UTRN: variants seen among roughly 807,000 people sequenced by gnomAD.
UTRN encodes dystrophin-related protein 1.
A neutral mutation model predicts 463.9 loss-of-function variants in UTRN; 283 were observed. The observed-to-expected ratio is 0.61, with a 90% CI of 0.55 to 0.67. The LOEUF (loss-of-function observed/expected upper bound fraction) is 0.67, where lower values mean the gene tolerates loss of function less well. UTRN is among the 30% of genes least tolerant of loss of function. The pLI is 0.00. For synonymous variants in UTRN, 1,442 were observed against 1,431.5 expected (o/e 1.01, Z -0.17); for missense variants, 3,922 against 4,084.3 (o/e 0.96, Z 1.08).
intron 57 of UTRN, among the ~76,000 whole-genome samples, chr6:144,756,642 G>A (rs1792025241): frequency 6.6e-6 from 1 of 152,120 alleles, no homozygotes; most frequent in Non-Finnish European, 1.5e-5. Context: ...TTAGCCTGGT[G>A]CCAACACTGA....
chr6:144,379,523 A>C (rs1164414786), intron 2 of UTRN, among the ~76,000 whole-genome samples: 1 of 152,206 alleles, frequency 6.6e-6, no homozygotes, highest in Non-Finnish European at 1.5e-5. Flanking sequence ...GAGTGTCTTC[A>C]TGACATGGCT....
intron 51 of UTRN, among the ~76,000 whole-genome samples, chr6:144,670,048 G>A (rs1322005581): frequency 6.6e-6 from 1 of 150,598 alleles, no homozygotes; most frequent in Non-Finnish European, 1.5e-5. Flanking sequence ...ATTTGTACTG[G>A]TTCCATATTT....
chr6:144,498,992 GCTATAC>G (rs1218862348), intron 33 of UTRN, among the ~76,000 whole-genome samples: 1 of 152,030 alleles, frequency 6.6e-6, no homozygotes, highest in Non-Finnish European at 1.5e-5. Flanking sequence ...TCTTTTGAGG[GCTATAC>G]CTCTGCCAGT....
At chr6:144,572,972 C>T (rs1026586045) in intron 50 of UTRN, among the ~76,000 whole-genome samples, 4 of 152,198 alleles carry the variant, frequency 2.6e-5, no homozygotes, top group Non-Finnish European at 5.9e-5. Flanking sequence ...GGAATCACCA[C>T]ACTGTCTTCA....
chr6:144,388,453 C>T (rs1406734154), intron 2 of UTRN, among the ~76,000 whole-genome samples: 1 of 150,434 alleles, frequency 6.6e-6, no homozygotes, highest in African/African-American at 2.5e-5. Flanking sequence ...GCTGGGACTA[C>T]AGGTGTGGAC....
intron 9 of UTRN, among the ~76,000 whole-genome samples, chr6:144,434,359 A>G (rs1490509081): frequency 6.8e-6 from 1 of 148,008 alleles, no homozygotes; most frequent in Non-Finnish European, 1.5e-5. Context: ...AGGGGGAGGG[A>G]GAGGGAGCGA....
intron 2 of UTRN, among the ~76,000 whole-genome samples, chr6:144,385,722 CT>C (rs1351096768): frequency 1.8e-5 from 2 of 112,470 alleles, no homozygotes; most frequent in African/African-American, 3.6e-5. Flanking sequence ...TTTTTTTTTT[CT>C]TTTGAGACGG....
chr6:144,808,792 T>C (rs1778366551), intron 65 of UTRN, among the ~76,000 whole-genome samples: 1 of 152,098 alleles, frequency 6.6e-6, no homozygotes, highest in South Asian at 2.1e-4. Flanking sequence ...TGTATCTGGG[T>C]TATTTCACTT....
At chr6:144,641,686 C>A (rs1273886367) in intron 51 of UTRN, among the ~76,000 whole-genome samples, 1 of 152,116 alleles carries the variant, frequency 6.6e-6, no homozygotes, top group Admixed American at 6.5e-5. Context: ...ATTATAGATT[C>A]TGGATGCCAT....
chr6:144,497,780 G>T (rs190480611), intron 33 of UTRN, among the ~76,000 whole-genome samples: 255 of 152,226 alleles, frequency 1.7e-3, no homozygotes, highest in Middle Eastern at 0.01. Context: ...GAAATGTCGG[G>T]TACTCACATG....
chr6:144,316,615 G>T (rs183019243), intron 2 of UTRN, among the ~76,000 whole-genome samples: 12 of 152,356 alleles, frequency 7.9e-5, no homozygotes, highest in Admixed American at 2.6e-4. Context: ...AAGTGTGAAT[G>T]AATTGATCGC....
At chr6:144,435,087 AGGG>A (rs1786405662) in intron 9 of UTRN, among the ~76,000 whole-genome samples, 2 of 152,216 alleles carry the variant, frequency 1.3e-5, no homozygotes, top group Non-Finnish European at 2.9e-5. Context: ...TTGAAGTTAA[AGGG>A]AATGTTAACA....
intron 51 of UTRN, among the ~76,000 whole-genome samples, chr6:144,612,887 G>C (rs982490241): frequency 6.6e-6 from 1 of 152,060 alleles, no homozygotes; most frequent in Admixed American, 6.6e-5. Flanking sequence ...CAGTGTTAAA[G>C]GGATATTTGC....
chr6:144,459,436 C>T (rs1789188848), intron 21 of UTRN, 82 bp downstream of exon 21: 1 of 1,434,938 alleles, frequency 7.0e-7, no homozygotes, highest in Admixed American at 2.3e-5. Flanking sequence ...CTTGAGTACA[C>T]TTGCTTGCTT....
intron 61 of UTRN, among the ~76,000 whole-genome samples, chr6:144,786,777 A>T: frequency 6.6e-6 from 1 of 152,214 alleles, no homozygotes; most frequent in South Asian, 2.1e-4. Flanking sequence ...AATGATAGGC[A>T]GCCACAATGA....
rs184428021 is a variant in UTRN at position 144,565,110 on chromosome 6, A to G, written c.7289+7799A>G. Among the ~76,000 whole-genome samples the G allele has an allele frequency of 5.1e-4, 77 of 152,230 alleles. No individual in the cohort carries two copies. The East Asian group carries it at 0.012, about 24-fold the overall frequency. ...CCAGCAATGATGGAAATAAGATGTT[A>G]GATTTGCGATATGCCTTGGAAGTAG... On this transcript the variant is annotated intron_variant, in intron 50 of 74. Coordinates refer to ENST00000367545, the MANE Select transcript of UTRN (RefSeq NM_007124.3).
intron 23 of UTRN, among the ~76,000 whole-genome samples, chr6:144,465,385 G>C (rs1030130384): frequency 7.2e-5 from 11 of 152,168 alleles, no homozygotes; most frequent in Non-Finnish European, 1.5e-4. Flanking sequence ...TATTAATGTA[G>C]CAAATCCAGG....
rs532126891 is a variant in UTRN, at chr6:144,306,037, C to T, written c.79+14130C>T. ...AGGAGCAGTATTCACCGAACTACTT[C>T]CCTGACACATACATACCTCACACCC... is the stretch of plus-strand genomic sequence containing the variant. On this transcript the variant is annotated intron_variant, in intron 2 of 74. Coordinates refer to ENST00000367545, the MANE Select transcript of UTRN (RefSeq NM_007124.3). Among the ~76,000 whole-genome samples, 7 of 152,324 alleles carry T rather than the reference C, an allele frequency of 4.6e-5. No individual in the cohort carries two copies. The East Asian group carries it at 1.3e-3, about 29-fold the overall frequency.
chr6:144,485,409 C>T lies in UTRN; in HGVS notation c.3712C>T (p.Leu1238=). Residue 1238 remains leucine, a synonymous_variant, in exon 28 of 75, where the codon CTG becomes TTG. Transcript: ENST00000367545. ...LEEVWSCWIE[L]LHYLDLETTW... is the part of the protein sequence containing the mutation. ...GGAGGTCTGGTCTTGTTGGATTGAACTGCTTCACTATTTGGATCTTGAAAC... is the reference window on the plus strand; with the variant it reads ...GGAGGTCTGGTCTTGTTGGATTGAATTGCTTCACTATTTGGATCTTGAAAC... The T allele has an allele frequency of 1.2e-6, 2 of 1,614,118 alleles. No individual in the cohort carries two copies. Among genetic ancestry groups the T allele is most frequent in the Non-Finnish European group, 1.7e-6 (2 of 1,180,000 alleles).
Sources: allele counts gnomAD v4.1 joint callset (sites outside exome capture counted in the v4.1 genomes callset), GRCh38; gene constraint gnomAD v4.1.1; transcripts MANE v1.5; gene names NCBI Gene and HGNC (gene_info 2026-07-23, HGNC 2026-07-21).